The following TF variants were observed in gnomAD, a reference collection of about 807,000 sequenced individuals.
TF encodes the protein transferrin, also known as serotransferrin.
TF carries 55 observed loss-of-function variants against 82.4 expected under a neutral mutation model. The observed-to-expected ratio is 0.67, with a 90% CI of 0.54 to 0.84. TF has a LOEUF of 0.84. TF is among the 40% of genes least tolerant of loss of function. TF has a pLI of 0.00. For synonymous variants in TF, 332 were observed against 332.6 expected, an observed-to-expected ratio of 1.00 and a Z score of 0.02; for missense variants, 737 against 868.4, an observed-to-expected ratio of 0.85 and a Z score of 1.90.
chr3:133,755,484 G>T lies in TF; in HGVS notation c.624G>T (p.Ser208=). ...CSTLNQYFGY[S]GAFKCLKDGA... is the part of the protein sequence containing the mutation. Reference sequence around the variant, plus strand: ...CCCTTAACCAATACTTCGGCTACTCGGGAGCCTTCAAGTGAGTGAGATGTC... The same window carrying T: ...CCCTTAACCAATACTTCGGCTACTCTGGAGCCTTCAAGTGAGTGAGATGTC... Residue 208 remains serine (S), a synonymous_variant, in exon 5 of 17, where the codon TCG becomes TCT. Transcript: ENST00000402696. 6.2e-7 allele frequency: 1 copy of T among 1,613,916 alleles called. No homozygotes were observed. The highest frequency in any genetic ancestry group is 8.5e-7 in the Non-Finnish European group (1 of 1,179,940).
the TF span, among the ~76,000 whole-genome samples, chr3:133,703,699 CA>C: frequency 0.75 from 113,411 of 151,974 alleles, 42,795 homozygotes; most frequent in Non-Finnish European, 0.81. Context: ...TATAAGTATA[CA>C]TTTTTTACTC....
At chr3:133,688,108 C>T in the TF span, 3 of 152,824 alleles carry the variant, frequency 2.0e-5, no homozygotes, top group South Asian at 2.1e-4. Flanking sequence ...CTCAGCTGAC[C>T]GTTTATCTTG....
the TF span, among the ~76,000 whole-genome samples, chr3:133,736,759 G>A: frequency 6.7e-6 from 1 of 149,188 alleles, no homozygotes; most frequent in South Asian, 2.1e-4. Flanking sequence ...AATGCAACAA[G>A]AAGAGCTAAT....
At chr3:133,683,039 G>A in the TF span, among the ~76,000 whole-genome samples, 1 of 152,154 alleles carries the variant, frequency 6.6e-6, no homozygotes, top group African/African-American at 2.4e-5. Flanking sequence ...AGAGAGTGGG[G>A]GCCAATATTC....
At chr3:133,758,884 A>C (rs1933908962) in intron 8 of TF, among the ~76,000 whole-genome samples, 1 of 152,230 alleles carries the variant, frequency 6.6e-6, no homozygotes, top group Non-Finnish European at 1.5e-5. Flanking sequence ...CCAGTAGTTA[A>C]GTGCTATCTG....
At chr3:133,768,270 A>C in intron 13 of TF, 106 bp downstream of exon 13, 1 of 1,438,068 alleles carries the variant, frequency 7.0e-7, no homozygotes, top group Non-Finnish European at 9.6e-7. Flanking sequence ...TTAGTGCGGC[A>C]TGTATTAAGA....
chr3:133,721,125 T>G, the TF span, among the ~76,000 whole-genome samples: 1 of 152,134 alleles, frequency 6.6e-6, no homozygotes, highest in Non-Finnish European at 1.5e-5. Flanking sequence ...ATTTTCTTCC[T>G]TCTACCAATT....
Position 133,770,507 on chromosome 3 carries a change from G to A in TF, c.1623-1G>A. ...TCTCTCCCACTTCTGGACCTCTGCA[G>A]GTGTCTGGTTGAGAAGGGAGATGTG... On this transcript the variant is annotated splice_acceptor_variant, in intron 13 of 16. Coordinates refer to ENST00000402696, the MANE Select transcript of TF (RefSeq NM_001063.4). LOFTEE classifies it high-confidence loss of function. 1.2e-6 allele frequency: 2 copies of A among 1,614,026 alleles called. No individual in the cohort carries two copies. The highest frequency in any genetic ancestry group is 1.7e-6 in the Non-Finnish European group (2 of 1,180,012).
chr3:133,696,021 C>T, the TF span, among the ~76,000 whole-genome samples: 2 of 152,122 alleles, frequency 1.3e-5, no homozygotes, highest in African/African-American at 2.4e-5. Flanking sequence ...CTGGCACTTC[C>T]CGTTTATGTA....
At chr3:133,754,468 C>G in intron 3 of TF, 27 bp from the exon 4 acceptor site, 1 of 1,612,988 alleles carries the variant, frequency 6.2e-7, no homozygotes, top group Non-Finnish European at 8.5e-7. Flanking sequence ...AGGCTGAGGG[C>G]CTTCCATTCA....
chr3:133,737,559 T>C, the TF span, among the ~76,000 whole-genome samples: 4 of 150,944 alleles, frequency 2.6e-5, no homozygotes, highest in Non-Finnish European at 5.9e-5. Flanking sequence ...ATTAACAAAA[T>C]GGACCGCTAG....
rs1251068266 is a variant in TF at position 133,778,864 on chromosome 3, C to T, written c.*244C>T. On this transcript the variant is annotated 3_prime_UTR_variant, in exon 17 of 17. Transcript: ENST00000402696. ...GCATTCTGCCTAAATACCTATGCAA[C>T]TGAGCCCTTCCTTCTCAGCTCAAGA... is the stretch of plus-strand genomic sequence containing the variant. 5 of 414,148 alleles carry T rather than the reference C, an allele frequency of 1.2e-5. No homozygotes were observed. The highest frequency in any genetic ancestry group is 2.2e-5 in the Non-Finnish European group (5 of 222,408). 25.7% of individuals were successfully genotyped at this position (414,148 alleles called of 1,614,324 possible). A position where few individuals can be genotyped will look rare whatever the true frequency, so the allele number is the denominator to read the frequency against.
At position 133,790,503 on chromosome 3, in the gene TF, AGAG is replaced by A. The variant is rs1934805041; in HGVS notation, c.*11887_*11889del. 6.6e-6 allele frequency: 1 copy of A among 152,266 alleles called. No individual in the cohort carries two copies. Among genetic ancestry groups the A allele is most frequent in the Admixed American group, 6.5e-5 (1 of 15,290 alleles). 9.4% of individuals were successfully genotyped at this position (152,266 alleles called of 1,614,324 possible). A position where few individuals can be genotyped will look rare whatever the true frequency, so the allele number is the denominator to read the frequency against. On this transcript the variant is annotated 3_prime_UTR_variant, in exon 17 of 17. Transcript: ENST00000402696. Reference sequence around the variant, plus strand: ...ACAATGTAGTAAGGAACCAGTAAGTAGAGGAGAACGATATGGAAAAAGTTTAGA... The same window carrying A: ...ACAATGTAGTAAGGAACCAGTAAGTAGAGAACGATATGGAAAAAGTTTAGA...
At chr3:133,702,738 T>A in the TF span, among the ~76,000 whole-genome samples, 47 of 152,100 alleles carry the variant, frequency 3.1e-4, no homozygotes, top group African/African-American at 1.0e-3. Context: ...AATAAACTTA[T>A]AAATAAAGAA....
chr3:133,701,379 C>T, the TF span, among the ~76,000 whole-genome samples: 1 of 152,208 alleles, frequency 6.6e-6, no homozygotes, highest in African/African-American at 2.4e-5. Context: ...GTGGCCACTA[C>T]CACCATCCAG....
upstream of TF, among the ~76,000 whole-genome samples, chr3:133,744,156 G>A (rs1013225279): frequency 6.6e-6 from 1 of 152,238 alleles, no homozygotes; most frequent in Non-Finnish European, 1.5e-5. Context: ...CTCTGGAGAG[G>A]ACTCAGCCTG....
At chr3:133,722,025 G>A in the TF span, among the ~76,000 whole-genome samples, 3 of 152,020 alleles carry the variant, frequency 2.0e-5, no homozygotes, top group African/African-American at 7.3e-5. Flanking sequence ...GACTACAGAT[G>A]CTTGCCACCA....
chr3:133,669,788 G>A, the TF span, among the ~76,000 whole-genome samples: 2 of 152,168 alleles, frequency 1.3e-5, no homozygotes, highest in Non-Finnish European at 2.9e-5. Flanking sequence ...GTTACTAAGA[G>A]GTCAACTCCT....
At chr3:133,776,654 C>T (rs1202465041) in intron 15 of TF, among the ~76,000 whole-genome samples, 2 of 152,156 alleles carry the variant, frequency 1.3e-5, no homozygotes, top group Admixed American at 6.5e-5. Flanking sequence ...CTCTGCCACT[C>T]CTCTGGGAGG....
Sources: gnomAD v4.1 joint callset for allele counts (sites outside exome capture counted in the v4.1 genomes callset) on GRCh38, gnomAD v4.1.1 for gene constraint, MANE v1.5 for transcripts, NCBI Gene and HGNC (gene_info 2026-07-23, HGNC 2026-07-21) for gene names.